Variants in RERE observed in about 807,000 individuals in gnomAD.
The protein encoded by RERE is arginine-glutamic acid dipeptide repeats.
Under a neutral mutation model 146.1 loss-of-function variants are expected in RERE, and 40 were observed. That is an observed-to-expected ratio of 0.27 (90% confidence interval 0.21 to 0.36). RERE has a LOEUF of 0.36. Among genes scored for constraint, RERE ranks in the 10% least tolerant of loss-of-function variants. The pLI, the probability that RERE is intolerant of heterozygous loss-of-function variation, is 1.00. For missense variants in RERE, 1,933 were observed against 2,138.7 expected, an observed-to-expected ratio of 0.90 and a Z score of 1.90; for synonymous variants, 1,003 against 866.0, an observed-to-expected ratio of 1.16 and a Z score of -2.78.
chr1:8,666,460 T>C (rs1026073132), intron 1 of RERE, among the ~76,000 whole-genome samples: 2 of 152,218 alleles, frequency 1.3e-5, no homozygotes, highest in Non-Finnish European at 2.9e-5. Flanking sequence ...GCAGCCAGCA[T>C]GCAGCAGAAA....
At chr1:8,739,987 C>T (rs1640276418) in intron 1 of RERE, among the ~76,000 whole-genome samples, 1 of 151,944 alleles carries the variant, frequency 6.6e-6, no homozygotes, top group Non-Finnish European at 1.5e-5. Flanking sequence ...CCAGAACAGC[C>T]TTCCTTCTTT....
intron 6 of RERE, among the ~76,000 whole-genome samples, chr1:8,551,257 G>A (rs1216638237): frequency 6.6e-6 from 1 of 152,158 alleles, no homozygotes; most frequent in East Asian, 1.9e-4. Context: ...GCACTGATGC[G>A]AGTACACAAT....
chr1:8,634,476 T>C (rs1218182128), intron 2 of RERE, among the ~76,000 whole-genome samples: 2 of 152,366 alleles, frequency 1.3e-5, no homozygotes, highest in East Asian at 3.9e-4. Flanking sequence ...ACTAATACTA[T>C]AGCTGACATC....
chr1:8,605,583 T>C (rs1237293045), intron 4 of RERE, among the ~76,000 whole-genome samples: 1 of 151,682 alleles, frequency 6.6e-6, no homozygotes, highest in Admixed American at 6.6e-5. Context: ...ACCCCATCTC[T>C]ACAAAAAATA....
At chr1:8,523,898 T>C (rs750717370) in intron 7 of RERE, among the ~76,000 whole-genome samples, 8 of 152,218 alleles carry the variant, frequency 5.3e-5, no homozygotes, top group Non-Finnish European at 8.8e-5. Context: ...TTTTTATTTG[T>C]TAACTGTAAA....
chr1:8,789,177 G>A (rs1274301110), intron 1 of RERE, among the ~76,000 whole-genome samples: 9 of 148,700 alleles, frequency 6.1e-5, no homozygotes, highest in African/African-American at 2.2e-4. Context: ...GGGCACAGTG[G>A]CTCACACCTG....
chr1:8,679,872 G>A (rs1272590069), intron 1 of RERE, among the ~76,000 whole-genome samples: 2 of 152,148 alleles, frequency 1.3e-5, no homozygotes, highest in East Asian at 1.9e-4. Flanking sequence ...GGTGTGATCT[G>A]CCACTCAAGT....
chr1:8,759,582 T>C (rs2124528264), intron 1 of RERE, among the ~76,000 whole-genome samples: 1 of 152,316 alleles, frequency 6.6e-6, no homozygotes, highest in African/African-American at 2.4e-5. Context: ...CTTTGGAGAA[T>C]ACGGTTTAGC....
At chr1:8,399,313 G>A (rs1557610510) in intron 12 of RERE, among the ~76,000 whole-genome samples, 2 of 151,980 alleles carry the variant, frequency 1.3e-5, no homozygotes, top group South Asian at 4.1e-4. Flanking sequence ...ACATTAAAAT[G>A]TTCTATTTTC....
chr1:8,671,748 C>T (rs556982921), intron 1 of RERE, among the ~76,000 whole-genome samples: 1 of 152,178 alleles, frequency 6.6e-6, no homozygotes, highest in East Asian at 1.9e-4. Context: ...AAACAAAGTT[C>T]AACTCTAGAA....
intron 4 of RERE, among the ~76,000 whole-genome samples, chr1:8,610,894 TAA>T (rs1312176735): frequency 7.1e-6 from 1 of 139,972 alleles, no homozygotes. Flanking sequence ...AATAATGATT[TAA>T]AAAAAAAAAA....
At chr1:8,607,896 T>G (rs1646741232) in intron 4 of RERE, among the ~76,000 whole-genome samples, 1 of 152,068 alleles carries the variant, frequency 6.6e-6, no homozygotes, top group Non-Finnish European at 1.5e-5. Flanking sequence ...TGGCTAATTT[T>G]TGTATTTTTA....
At chr1:8,709,796 A>G (rs1471444141) in intron 1 of RERE, among the ~76,000 whole-genome samples, 2 of 152,184 alleles carry the variant, frequency 1.3e-5, no homozygotes, top group Non-Finnish European at 2.9e-5. Context: ...CTTTGTGCAT[A>G]CATGTATTTC....
chr1:8,447,771 A>G (rs1040212220), intron 11 of RERE, among the ~76,000 whole-genome samples: 1 of 152,198 alleles, frequency 6.6e-6, no homozygotes, highest in African/African-American at 2.4e-5. Context: ...ACACAGAAGA[A>G]TGAGTGTGCG....
chr1:8,563,008 A>G (rs550855313), intron 4 of RERE, among the ~76,000 whole-genome samples: 3 of 152,264 alleles, frequency 2.0e-5, no homozygotes, highest in Admixed American at 6.5e-5. Flanking sequence ...TCAGAACTAG[A>G]TAACTGACAA....
In RERE at chr1:8,789,301, A is replaced by AAAAAAAAAAAAAAAAAAATATATATAT; in HGVS notation, c.-145+27858_-145+27859insATATATATATTTTTTTTTTTTTTTTTT. On this transcript the variant is annotated intron_variant, in intron 1 of 22. Transcript: ENST00000400908. ...CTCTACCAAAAAAAAAAAAAAAAAA[A>AAAAAAAAAAAAAAAAAAATATATATAT]ATATATATATATATATATATATATG... 8.5e-4 allele frequency among the ~76,000 whole-genome samples: 21 copies of AAAAAAAAAAAAAAAAAAATATATATAT among 24,800 alleles called. 1 individual carries two copies. Among genetic ancestry groups the AAAAAAAAAAAAAAAAAAATATATATAT allele is most frequent in the Non-Finnish European group, 1.2e-3 (19 of 15,382 alleles). 16.3% of individuals were successfully genotyped at this position (24,800 alleles called of 152,430 possible). A position where few individuals can be genotyped will look rare whatever the true frequency, so the allele number is the denominator to read the frequency against.
intron 6 of RERE, among the ~76,000 whole-genome samples, chr1:8,546,845 AAAC>A (rs1460786066): frequency 6.6e-6 from 1 of 151,032 alleles, no homozygotes; most frequent in African/African-American, 2.5e-5. Flanking sequence ...CTTCGTCTCA[AAAC>A]AAAACAAAAA....
intron 22 of RERE, 61 bp downstream of exon 22, chr1:8,355,358 G>A (rs2289733): frequency 0.2 from 312,440 of 1,559,054 alleles, 33,910 homozygotes; most frequent in Middle Eastern, 0.36. Flanking sequence ...CTGGGCACAC[G>A]GGGAGGTTGG....
intron 1 of RERE, among the ~76,000 whole-genome samples, chr1:8,755,153 C>T (rs933670846): frequency 5.9e-5 from 9 of 152,220 alleles, no homozygotes; most frequent in African/African-American, 2.2e-4. Context: ...GCAGTGGTAA[C>T]AGACATAAAA....
Sources: allele counts gnomAD v4.1 joint callset (sites outside exome capture counted in the v4.1 genomes callset), GRCh38; gene constraint gnomAD v4.1.1; transcripts MANE v1.5; gene names NCBI Gene and HGNC (gene_info 2026-07-23, HGNC 2026-07-21).